The following SNTB1 variants were observed in gnomAD, a reference collection of about 807,000 sequenced individuals.
SNTB1 encodes syntrophin beta 1.
In SNTB1, 36 loss-of-function variants were observed where a neutral mutation model predicts 48.9. The ratio of observed to expected loss-of-function variants is 0.74; its 90% confidence interval spans 0.56 to 0.97. The LOEUF (loss-of-function observed/expected upper bound fraction) is 0.97. SNTB1 is among the 50% of genes least tolerant of loss of function. The probability of loss-of-function intolerance (pLI) is 0.00; values close to 1 mark genes in which losing one functional copy is unlikely to be tolerated. For synonymous variants in SNTB1, 299 were observed against 294.6 expected, an observed-to-expected ratio of 1.01 and a Z score of -0.15; for missense variants, 786 against 703.4, an observed-to-expected ratio of 1.12 and a Z score of -1.33.
At chr8:120,656,842 G>T (rs957043851) in intron 2 of SNTB1, among the ~76,000 whole-genome samples, 2 of 152,120 alleles carry the variant, frequency 1.3e-5, no homozygotes, top group African/African-American at 2.4e-5. Context: ...AATATCTAGT[G>T]GTGGAGATGG....
At chr8:120,738,337 A>C (rs868759490) in intron 1 of SNTB1, among the ~76,000 whole-genome samples, 6 of 152,336 alleles carry the variant, frequency 3.9e-5, no homozygotes, top group Middle Eastern at 3.4e-3. Flanking sequence ...AGTCATAATA[A>C]TGTAACCAAT....
At chr8:120,607,580 G>A (rs982944460) in intron 3 of SNTB1, among the ~76,000 whole-genome samples, 4 of 152,114 alleles carry the variant, frequency 2.6e-5, no homozygotes, top group African/African-American at 9.7e-5. Context: ...AGCAATGAAA[G>A]ACTTGTTATC....
At chr8:120,759,174 AG>A (rs1216463388) in intron 1 of SNTB1, among the ~76,000 whole-genome samples, 22 of 152,228 alleles carry the variant, frequency 1.4e-4, no homozygotes, top group Non-Finnish European at 2.6e-4. Flanking sequence ...AAAGTTCTGA[AG>A]TTCTCCTATT....
Position 120,812,023 on chromosome 8 carries a change from A to C in SNTB1, c.-180T>G. On this transcript the variant is annotated 5_prime_UTR_variant, in exon 1 of 7. Transcript: ENST00000517992. ...GCACTCGGCGGGAGTTGGCAGCTGC[A>C]CTCAGGCTGGTTCCCCCTCGCCTGA... The C allele has an allele frequency of 1.6e-6, 2 of 1,264,546 alleles. No individual in the cohort carries two copies. The highest frequency in any genetic ancestry group is 6.0e-4 in the Middle Eastern group (2 of 3,306). 78.3% of individuals were successfully genotyped at this position (1,264,546 alleles called of 1,614,324 possible).
intron 1 of SNTB1, among the ~76,000 whole-genome samples, chr8:120,745,655 G>A (rs1819114852): frequency 6.6e-6 from 1 of 152,042 alleles, no homozygotes; most frequent in South Asian, 2.1e-4. Flanking sequence ...ACTCTTATTT[G>A]GAGCAAAACA....
intron 3 of SNTB1, among the ~76,000 whole-genome samples, chr8:120,626,755 C>T (rs1246490225): frequency 6.6e-6 from 1 of 152,166 alleles, no homozygotes; most frequent in Non-Finnish European, 1.5e-5. Flanking sequence ...TCACAAGTGT[C>T]ACCTCCTCTG....
chr8:120,691,616 A>G (rs932305650), intron 2 of SNTB1, among the ~76,000 whole-genome samples: 4 of 152,186 alleles, frequency 2.6e-5, no homozygotes, highest in African/African-American at 9.7e-5. Context: ...TGCCTGCAAC[A>G]ATGTGGGCCC....
intron 1 of SNTB1, among the ~76,000 whole-genome samples, chr8:120,714,231 G>A (rs1398004380): frequency 6.6e-6 from 1 of 152,142 alleles, no homozygotes; most frequent in Non-Finnish European, 1.5e-5. Flanking sequence ...CCACCACAGA[G>A]ACAGAACCCC....
chr8:120,549,430 G>T (rs1183048507), intron 4 of SNTB1, among the ~76,000 whole-genome samples: 4 of 152,172 alleles, frequency 2.6e-5, no homozygotes, highest in African/African-American at 9.7e-5. Context: ...CATGCACGTA[G>T]CCCCTAAATG....
chr8:120,797,963 A>G (rs958910280), intron 1 of SNTB1, among the ~76,000 whole-genome samples: 1 of 152,024 alleles, frequency 6.6e-6, no homozygotes, highest in Admixed American at 6.6e-5. Flanking sequence ...ACACAAGAAT[A>G]GTACTTGCCA....
chr8:120,725,587 G>T (rs894777398), intron 1 of SNTB1, among the ~76,000 whole-genome samples: 7 of 152,274 alleles, frequency 4.6e-5, no homozygotes, highest in Non-Finnish European at 8.8e-5. Flanking sequence ...TTGTTTGTTT[G>T]TTTTTGAAAG....
chr8:120,735,517 T>A (rs564983266), intron 1 of SNTB1, among the ~76,000 whole-genome samples: 123 of 152,222 alleles, frequency 8.1e-4, no homozygotes, highest in African/African-American at 2.9e-3. Context: ...TGGTCCCTAA[T>A]CTAATCTGCG....
intron 2 of SNTB1, among the ~76,000 whole-genome samples, chr8:120,679,588 A>G (rs115392995): frequency 6.6e-6 from 1 of 152,308 alleles, no homozygotes; most frequent in African/African-American, 2.4e-5. Context: ...TGCCAATTCT[A>G]TCTGTTTAAG....
At chr8:120,765,516 G>A (rs1048653473) in intron 1 of SNTB1, among the ~76,000 whole-genome samples, 3 of 152,168 alleles carry the variant, frequency 2.0e-5, no homozygotes, top group African/African-American at 7.2e-5. Context: ...TGGAGGTTGA[G>A]AAGTCCAATA....
intron 3 of SNTB1, among the ~76,000 whole-genome samples, chr8:120,590,275 CCT>C (rs1328493531): frequency 1.3e-5 from 2 of 152,218 alleles, no homozygotes; most frequent in East Asian, 3.8e-4. Flanking sequence ...CTCAAAATTC[CCT>C]TTTGCCATGA....
At chr8:120,564,114 A>C (rs1161226451) in intron 4 of SNTB1, among the ~76,000 whole-genome samples, 91 of 145,774 alleles carry the variant, frequency 6.2e-4, no homozygotes, top group African/African-American at 2.2e-3. Flanking sequence ...GTCTCAAACA[A>C]AAAAAAAAAA....
intron 1 of SNTB1, among the ~76,000 whole-genome samples, chr8:120,747,436 G>A (rs780032628): frequency 3.9e-5 from 6 of 152,064 alleles, no homozygotes; most frequent in South Asian, 2.1e-4. Context: ...GACTACAGGC[G>A]TGCACCACCA....
intron 3 of SNTB1, among the ~76,000 whole-genome samples, chr8:120,631,397 A>G (rs1816976279): frequency 6.6e-6 from 1 of 152,212 alleles, no homozygotes; most frequent in Non-Finnish European, 1.5e-5. Context: ...TTAAATTTTT[A>G]GGCTAAGACC....
chr8:120,554,776 C>A (rs1186865716), intron 4 of SNTB1, among the ~76,000 whole-genome samples: 1 of 152,118 alleles, frequency 6.6e-6, no homozygotes, highest in Non-Finnish European at 1.5e-5. Context: ...AAACCTATAC[C>A]TGTGGCCTCA....
Sources: allele counts gnomAD v4.1 joint callset (sites outside exome capture counted in the v4.1 genomes callset), GRCh38; gene constraint gnomAD v4.1.1; transcripts MANE v1.5; gene names NCBI Gene and HGNC (gene_info 2026-07-23, HGNC 2026-07-21).